GRHL1: variants seen among roughly 807,000 people sequenced by gnomAD.
GRHL1 encodes the protein grainyhead like transcription factor 1.
GRHL1 carries 38 observed loss-of-function variants against 75.7 expected under a neutral mutation model. That is an observed-to-expected ratio of 0.50 (90% CI 0.39 to 0.66). The LOEUF is 0.66. Among genes scored for constraint, GRHL1 ranks in the 30% least tolerant of loss-of-function variants. The probability of loss-of-function intolerance (pLI) is 0.00; values close to 1 mark genes in which losing one functional copy is unlikely to be tolerated. For missense variants in GRHL1, 589 were observed against 767.5 expected, an observed-to-expected ratio of 0.77 and a Z score of 2.75; for synonymous variants, 266 against 279.4, an observed-to-expected ratio of 0.95 and a Z score of 0.48.
At chr2:9,996,047 C>T in intron 13 of GRHL1, 77 bp downstream of exon 13, 1 of 967,460 alleles carries the variant, frequency 1.0e-6, no homozygotes, top group Non-Finnish European at 1.7e-6. Flanking sequence ...ATAAATGGTT[C>T]AAGCACATTT....
At chr2:9,954,631 T>G (rs1666931618) in intron 1 of GRHL1, among the ~76,000 whole-genome samples, 1 of 152,190 alleles carries the variant, frequency 6.6e-6, no homozygotes, top group Admixed American at 6.5e-5. Flanking sequence ...GCCTGGCATT[T>G]TCTCGGGGAT....
At chr2:9,995,535 T>C (rs1276014349) in intron 12 of GRHL1, among the ~76,000 whole-genome samples, 1 of 150,754 alleles carries the variant, frequency 6.6e-6, no homozygotes, top group Non-Finnish European at 1.5e-5. Context: ...CCGTGATCCA[T>C]GATTGCACCA....
chr2:9,972,204 T>G (rs1667755090), intron 8 of GRHL1, among the ~76,000 whole-genome samples: 1 of 151,984 alleles, frequency 6.6e-6, no homozygotes, highest in Admixed American at 6.5e-5. Context: ...TTTTTTTTTT[T>G]TTTGGTCAAA....
Position 9,989,173 on chromosome 2 carries a change from C to G in GRHL1, c.1270-1523C>G, listed in dbSNP as rs1668541027. Among the ~76,000 whole-genome samples, 3 of 152,134 alleles carry G rather than the reference C, an allele frequency of 2.0e-5. No individual in the cohort carries two copies. The South Asian group carries it at 6.2e-4, about 32-fold the overall frequency. ...GTATGCTACCACCTTCTAGAAAAGG[C>G]AGAAGGTGGTTTTATATTCTGTTTT... On this transcript the variant is annotated intron_variant, in intron 9 of 15. Transcript: ENST00000324907.
intron 2 of GRHL1, among the ~76,000 whole-genome samples, chr2:9,955,419 A>T (rs1017330545): frequency 2.6e-5 from 4 of 152,204 alleles, no homozygotes; most frequent in African/African-American, 9.6e-5. Flanking sequence ...AGTGCCATGG[A>T]AAGTGGGCAG....
chr2:9,985,223 A>G (rs1029148452), intron 8 of GRHL1, among the ~76,000 whole-genome samples: 3 of 152,198 alleles, frequency 2.0e-5, no homozygotes, highest in African/African-American at 7.2e-5. Flanking sequence ...TGCTTAAGGA[A>G]TTGGATTCTT....
At chr2:9,975,756 C>T (rs908882548) in intron 8 of GRHL1, among the ~76,000 whole-genome samples, 3 of 151,598 alleles carry the variant, frequency 2.0e-5, no homozygotes, top group Non-Finnish European at 4.4e-5. Context: ...TGTGGTGATG[C>T]GTGCCTGTAA....
chr2:9,961,375 A>T lies in GRHL1; in HGVS notation c.608A>T (p.Asn203Ile). 1.4e-5 allele frequency: 22 copies of T among 1,614,148 alleles called. No individual in the cohort carries two copies. The highest frequency in any genetic ancestry group is 1.8e-5 in the Non-Finnish European group (21 of 1,180,008). The change falls in exon 4 of 16, where the codon AAT (asparagine) becomes ATT (isoleucine). Residue 203 changes from asparagine (N) to isoleucine (I), a missense_variant. Asn to Ile is a moderately radical substitution (Grantham distance 149, BLOSUM62 -3). Coordinates refer to ENST00000324907, the MANE Select transcript of GRHL1 (RefSeq NM_198182.3). Reference sequence around the variant, plus strand: ...TTCAGCTCTGGTGCTCAAGCCCCAAATGCTCAAAGGCGAACTCCAGACTCG... The same window carrying T: ...TTCAGCTCTGGTGCTCAAGCCCCAATTGCTCAAAGGCGAACTCCAGACTCG... ...DQFSSGAQAP[N>I]AQRRTPDSTF...
In GRHL1 at chr2:9,954,636, G is replaced by A. The variant is rs4669511; in HGVS notation, c.21-279G>A. Reference sequence around the variant, plus strand: ...TATTTGAATAGCCTGGCATTTTCTCGGGGATGGTTTTGTTTCGCTTTTTTG... The same window carrying A: ...TATTTGAATAGCCTGGCATTTTCTCAGGGATGGTTTTGTTTCGCTTTTTTG... On this transcript the variant is annotated intron_variant, in intron 1 of 15. Transcript: ENST00000324907. Among the ~76,000 whole-genome samples, 18,902 of 152,116 alleles carry A rather than the reference G, an allele frequency of 0.12. 1,771 individuals are homozygous for A. Among genetic ancestry groups the A allele is most frequent in the Admixed American group, 0.26 (4,036 of 15,286 alleles).
chr2:9,980,121 C>G (rs901218499), intron 8 of GRHL1, among the ~76,000 whole-genome samples: 1 of 150,782 alleles, frequency 6.6e-6, no homozygotes, highest in African/African-American at 2.4e-5. Flanking sequence ...AAATGAACCT[C>G]TGATGGTGAT....
intron 8 of GRHL1, among the ~76,000 whole-genome samples, chr2:9,967,763 A>T (rs1207307542): frequency 1.3e-5 from 2 of 151,240 alleles, no homozygotes; most frequent in Non-Finnish European, 2.9e-5. Flanking sequence ...GCAAGAGTGA[A>T]CAAGTGTACA....
Position 9,963,456 on chromosome 2 carries a change from T to C in GRHL1, c.747-430T>C, listed in dbSNP as rs1448240134. On this transcript the variant is annotated intron_variant, in intron 5 of 15. Transcript: ENST00000324907. Reference sequence around the variant, plus strand: ...GTTAGGTAATAGGTAATGTCGAGAATTGTGGAGTGCCTGCCTATTAAAGAC... The same window carrying C: ...GTTAGGTAATAGGTAATGTCGAGAACTGTGGAGTGCCTGCCTATTAAAGAC... Among the ~76,000 whole-genome samples, 7 of 152,310 alleles carry C rather than the reference T, an allele frequency of 4.6e-5. No individual in the cohort carries two copies. The South Asian group carries it at 1.0e-3, about 23-fold the overall frequency.
rs555930129 is a variant in GRHL1, at chr2:9,987,510, G to C, written c.1269+1228G>C. On this transcript the variant is annotated intron_variant, in intron 9 of 15. Transcript: ENST00000324907. The surrounding 1 kb of genome is among the most constrained non-coding windows in gnomAD (Gnocchi z 4.2). ...CCGAGTGGCTGAATCACAAAGTGCT[G>C]TGCCTTCACAGCCCTCTTCCCCAAA... 6.6e-6 allele frequency among the ~76,000 whole-genome samples: 1 copy of C among 152,272 alleles called. No individual in the cohort carries two copies. Among genetic ancestry groups the C allele is most frequent in the East Asian group, 1.9e-4 (1 of 5,182 alleles).
chr2:9,990,609 T>C lies in GRHL1; in HGVS notation c.1270-87T>C, dbSNP rs80260543. 5,983 of 710,184 alleles carry C rather than the reference T, an allele frequency of 8.4e-3. 253 individuals carry two copies. In the African/African-American group the frequency reaches 0.092, roughly 11 times the overall value. The allele number at this position is 710,184 out of a possible 1,614,324, so 44.0% of individuals were successfully genotyped here. On this transcript the variant is annotated intron_variant, in intron 9 of 15. Coordinates refer to ENST00000324907, the MANE Select transcript of GRHL1 (RefSeq NM_198182.3). The surrounding 1 kb of genome is among the most constrained non-coding windows in gnomAD (Gnocchi z 4.2). ...TCCTGTCCAGAGAAGGGAGAAAGGC[T>C]TCTTCTTCCATTGGTCAGGATAAGA...
Position 9,987,363 on chromosome 2 carries a change from TTGA to T in GRHL1, c.1269+1083_1269+1085del, listed in dbSNP as rs1213298959. Among the ~76,000 whole-genome samples the T allele has an allele frequency of 1.3e-5, 2 of 152,106 alleles. No homozygotes were observed. The highest frequency in any genetic ancestry group is 4.8e-5 in the African/African-American group (2 of 41,404). ...CGTTTTAACTGATAGATTAGAAGGG[TTGA>T]TAAGTACGTTTTGTTGGGCATGTCT... On this transcript the variant is annotated intron_variant, in intron 9 of 15. Coordinates refer to ENST00000324907, the MANE Select transcript of GRHL1 (RefSeq NM_198182.3). This position sits in a 1 kb window ranked among gnomAD's most constrained non-coding sequence, Gnocchi z 4.2.
chr2:9,953,140 G>A (rs1666865804), intron 1 of GRHL1: 4 of 454,646 alleles, frequency 8.8e-6, no homozygotes, highest in Non-Finnish European at 1.8e-5. Flanking sequence ...GGCAGGCTTT[G>A]GAAATATGAA....
intron 13 of GRHL1, 143 bp from the exon 14 acceptor site, chr2:9,996,173 T>C (rs182794740): frequency 2.8e-6 from 2 of 711,866 alleles, no homozygotes; most frequent in Admixed American, 2.3e-5. Flanking sequence ...AGAATTGATA[T>C]TGGCTGATGC....
chr2:9,994,382 C>T (rs973937307), intron 12 of GRHL1, among the ~76,000 whole-genome samples: 4 of 150,928 alleles, frequency 2.7e-5, no homozygotes, highest in African/African-American at 2.4e-5. Flanking sequence ...GCAATCCTCC[C>T]GCCTCAGCCT....
In GRHL1 at chr2:9,955,026, G is replaced by C; in HGVS notation, c.132G>C (p.Ala44=). ...TCCTGGAAAACCCTCTCACTGCAGC[G>C]ACCAAAGCGATGATGAGCATCAATG... ...KSFLENPLTA[A]TKAMMSINGD... is the part of the protein sequence containing the mutation. The change falls in exon 2 of 16, where the codon GCG becomes GCC. Residue 44 remains alanine (A), a synonymous_variant. Coordinates refer to ENST00000324907, the MANE Select transcript of GRHL1 (RefSeq NM_198182.3). 1.2e-6 allele frequency: 2 copies of C among 1,613,556 alleles called. No individual in the cohort carries two copies. Among genetic ancestry groups the C allele is most frequent in the Middle Eastern group, 1.7e-4 (1 of 6,060 alleles).
Sources: allele counts gnomAD v4.1 joint callset (sites outside exome capture counted in the v4.1 genomes callset), GRCh38; gene constraint gnomAD v4.1.1; non-coding constraint Gnocchi (gnomAD v3.1); transcripts MANE v1.5; gene names NCBI Gene and HGNC (gene_info 2026-07-23, HGNC 2026-07-21).